CNTNAP4: variants seen among roughly 807,000 people sequenced by gnomAD.
The protein encoded by CNTNAP4 is contactin-associated protein-like 4.
A neutral mutation model predicts 148.4 loss-of-function variants in CNTNAP4; 98 were observed. That is an observed-to-expected ratio of 0.66 (90% CI 0.56 to 0.78). The LOEUF (loss-of-function observed/expected upper bound fraction) is 0.78, where lower values mean the gene tolerates loss of function less well. Ranked by LOEUF, CNTNAP4 falls within the 30% of genes least tolerant of loss-of-function variation. The probability of loss-of-function intolerance (pLI) is 0.00; values close to 1 mark genes in which losing one functional copy is unlikely to be tolerated. For synonymous variants in CNTNAP4, 730 were observed against 565.1 expected (o/e 1.29, Z -4.14); for missense variants, 1,935 against 1,565.6 (o/e 1.24, Z -3.98).
At chr16:76,478,824 C>G (rs562016143) in intron 11 of CNTNAP4, among the ~76,000 whole-genome samples, 10 of 152,002 alleles carry the variant, frequency 6.6e-5, no homozygotes, top group Non-Finnish European at 1.5e-4. Context: ...CATTATGGAG[C>G]ATTGGTGGGA....
intron 1 of CNTNAP4, among the ~76,000 whole-genome samples, chr16:76,310,431 T>C (rs372938330): frequency 6.6e-6 from 1 of 152,310 alleles, no homozygotes; most frequent in East Asian, 1.9e-4. Context: ...TAATATAGAT[T>C]GGAATAAAAT....
At chr16:76,465,063 C>T (rs1002078) in intron 9 of CNTNAP4, among the ~76,000 whole-genome samples, 93,181 of 151,950 alleles carry the variant, frequency 0.61, 29,120 homozygotes, top group African/African-American at 0.74. Context: ...AAACATTCTC[C>T]ATCCAATGAA....
intron 1 of CNTNAP4, chr16:76,316,094 C>A (rs959402869): frequency 2.9e-5 from 12 of 413,074 alleles, no homozygotes; most frequent in Non-Finnish European, 4.2e-6. Context: ...CTTTTGGAAA[C>A]CTTAAGTATT....
At chr16:76,547,216 C>A (rs1044028316) in intron 21 of CNTNAP4, among the ~76,000 whole-genome samples, 1 of 152,044 alleles carries the variant, frequency 6.6e-6, no homozygotes, top group Non-Finnish European at 1.5e-5. Context: ...TATACAGATA[C>A]AAAGTTGTTT....
At chr16:76,439,182 T>C (rs1026223360) in intron 4 of CNTNAP4, among the ~76,000 whole-genome samples, 1 of 152,092 alleles carries the variant, frequency 6.6e-6, no homozygotes, top group Non-Finnish European at 1.5e-5. Flanking sequence ...CAGCATTCAA[T>C]AACTATTGGT....
At chr16:76,282,316 C>A (rs1299951649) in intron 1 of CNTNAP4, among the ~76,000 whole-genome samples, 1 of 151,646 alleles carries the variant, frequency 6.6e-6, no homozygotes, top group Non-Finnish European at 1.5e-5. Context: ...CTCAAGTGGT[C>A]TTGTTAGGAT....
intron 8 of CNTNAP4, among the ~76,000 whole-genome samples, chr16:76,454,117 T>C (rs936244079): frequency 3.1e-4 from 47 of 151,102 alleles, no homozygotes; most frequent in African/African-American, 1.1e-3. Context: ...CTTTCTTTTT[T>C]TTTTTTTTTT....
chr16:76,431,057 T>C (rs2079587529), intron 4 of CNTNAP4, among the ~76,000 whole-genome samples: 1 of 152,098 alleles, frequency 6.6e-6, no homozygotes, highest in Non-Finnish European at 1.5e-5. Flanking sequence ...GTATAAAATA[T>C]TGTAGAAGGA....
At chr16:76,422,171 A>G (rs1443304716) in intron 3 of CNTNAP4, among the ~76,000 whole-genome samples, 1 of 152,166 alleles carries the variant, frequency 6.6e-6, no homozygotes, top group East Asian at 1.9e-4. Flanking sequence ...CACCTCATTG[A>G]GTTTGGAAAT....
intron 3 of CNTNAP4, among the ~76,000 whole-genome samples, chr16:76,378,981 C>G (rs1476735217): frequency 6.6e-6 from 1 of 152,120 alleles, no homozygotes; most frequent in East Asian, 1.9e-4. Flanking sequence ...GACTTTGACT[C>G]AAAGTTTGTG....
rs144479192 is a variant in CNTNAP4, at chr16:76,449,801, T to C, written c.1014T>C (p.Tyr338=). The C allele has an allele frequency of 9.2e-5, 148 of 1,604,816 alleles. No individual in the cohort carries two copies. In the East Asian group the frequency reaches 3.0e-3, roughly 33 times the overall value. ...NFHGCLENLY[Y]NGVDIIDLAK... ...ATGGATGTTTAGAAAATCTCTATTA[T>C]AATGGAGTGGATATCATTGATTTGG... The change falls in exon 7 of 24, where the codon TAT becomes TAC. Residue 338 remains tyrosine (Y), a synonymous_variant. Transcript: ENST00000611870.
At chr16:76,539,876 G>T in intron 20 of CNTNAP4, 24 bp downstream of exon 20, 1 of 1,529,536 alleles carries the variant, frequency 6.5e-7, no homozygotes. Flanking sequence ...TTCAGCAGAA[G>T]CAATCATTTT....
At chr16:76,459,601 G>A (rs1287897312) in intron 8 of CNTNAP4, among the ~76,000 whole-genome samples, 1 of 152,094 alleles carries the variant, frequency 6.6e-6, no homozygotes, top group Admixed American at 6.5e-5. Context: ...AATTCTTCGG[G>A]AAAATAAAAG....
chr16:76,411,671 T>TA (rs2078799637), intron 3 of CNTNAP4, among the ~76,000 whole-genome samples: 2 of 151,416 alleles, frequency 1.3e-5, no homozygotes, highest in South Asian at 4.1e-4. Flanking sequence ...GAGGTATTCT[T>TA]AAAAAAATCT....
At chr16:76,336,356 G>T (rs1964024243) in intron 2 of CNTNAP4, among the ~76,000 whole-genome samples, 2 of 152,108 alleles carry the variant, frequency 1.3e-5, no homozygotes, top group African/African-American at 4.8e-5. Flanking sequence ...TCCCAGCTCA[G>T]CATTATCAAG....
chr16:76,331,721 C>T (rs935316155), intron 2 of CNTNAP4, among the ~76,000 whole-genome samples: 4 of 152,032 alleles, frequency 2.6e-5, no homozygotes, highest in African/African-American at 7.2e-5. Flanking sequence ...TTGTTTTATG[C>T]ATTTGTCTTT....
intron 15 of CNTNAP4, among the ~76,000 whole-genome samples, chr16:76,501,841 C>A (rs1004846065): frequency 6.6e-6 from 1 of 152,070 alleles, no homozygotes. Flanking sequence ...GAGGCCGAGG[C>A]GGGCGGATCA....
intron 2 of CNTNAP4, among the ~76,000 whole-genome samples, chr16:76,353,964 A>G (rs1034760238): frequency 3.3e-5 from 5 of 152,230 alleles, no homozygotes; most frequent in South Asian, 4.1e-4. Flanking sequence ...AAGGTTTCAT[A>G]AAATGGGTCA....
chr16:76,495,116 T>G, intron 14 of CNTNAP4, 50 bp downstream of exon 14: 1 of 1,592,158 alleles, frequency 6.3e-7, no homozygotes, highest in Non-Finnish European at 8.6e-7. Context: ...TTTAAAAAAA[T>G]TAATCACTCA....
Sources: allele counts gnomAD v4.1 joint callset (sites outside exome capture counted in the v4.1 genomes callset), GRCh38; gene constraint gnomAD v4.1.1; transcripts MANE v1.5; gene names NCBI Gene and HGNC (gene_info 2026-07-23, HGNC 2026-07-21).